Variants in JADE3 observed in about 807,000 individuals in gnomAD.
The protein encoded by JADE3 is jade family PHD finger 3.
In JADE3, 2 loss-of-function variants were observed where a neutral mutation model predicts 50.1. The observed-to-expected ratio is 0.04, with a 90% CI of 0.02 to 0.13. The LOEUF (loss-of-function observed/expected upper bound fraction) is 0.13. Ranked by LOEUF, JADE3 falls within the 10% of genes least tolerant of loss-of-function variation. JADE3 has a pLI of 1.00. For missense variants in JADE3, 475 were observed against 634.4 expected (o/e 0.75, Z 2.70); for synonymous variants, 218 against 232.9 (o/e 0.94, Z 0.58).
At chrX:47,023,384 C>A (rs1004487645) in intron 4 of JADE3, among the ~76,000 whole-genome samples, 4 of 111,136 alleles carry the variant, frequency 3.6e-5, no homozygotes, top group Non-Finnish European at 7.5e-5. Context: ...TCTGTTCCTG[C>A]GTTAGTTTGC....
At chrX:46,935,848 T>TG (rs1926606669) in intron 1 of JADE3, among the ~76,000 whole-genome samples, 1 of 101,244 alleles carries the variant, frequency 9.9e-6, no homozygotes, top group Non-Finnish European at 2.0e-5. Flanking sequence ...TTTTTTTTTT[T>TG]GAGGCAAGGT....
intron 3 of JADE3, 80 bp from the exon 4 acceptor site, chrX:46,998,040 G>A: frequency 1.2e-6 from 1 of 806,585 alleles, no homozygotes; most frequent in Non-Finnish European, 1.8e-6. Flanking sequence ...GGATGGGGAT[G>A]GTCTTTTTAA....
intron 1 of JADE3, among the ~76,000 whole-genome samples, chrX:46,963,216 T>C (rs782196466): frequency 5.4e-5 from 6 of 111,964 alleles, no homozygotes; most frequent in Non-Finnish European, 9.4e-5. Flanking sequence ...TATGGCTGCC[T>C]TGGCATCAGA....
intron 8 of JADE3, 88 bp downstream of exon 8, chrX:47,039,153 G>A: frequency 2.1e-6 from 1 of 485,314 alleles, no homozygotes; most frequent in East Asian, 3.6e-5. Flanking sequence ...CGACTGAAAG[G>A]TCACTCAGGA....
intron 1 of JADE3, among the ~76,000 whole-genome samples, chrX:46,981,348 T>C (rs1927749908): frequency 8.9e-6 from 1 of 112,416 alleles, no homozygotes; most frequent in South Asian, 3.7e-4. Context: ...CCCCATGATA[T>C]CAGATAAATG....
At chrX:47,024,660 C>A in intron 4 of JADE3, 64 bp from the exon 5 acceptor site, 1 of 676,414 alleles carries the variant, frequency 1.5e-6, no homozygotes, top group Non-Finnish European at 2.3e-6. Flanking sequence ...ATTTAGCCAT[C>A]CATTCAGTGC....
Position 46,943,964 on chromosome X carries a change from G to A in JADE3, c.-12+31245G>A, listed in dbSNP as rs782702192. Among the ~76,000 whole-genome samples the A allele has an allele frequency of 3.6e-5, 4 of 111,144 alleles. No homozygotes were observed. In the South Asian group the frequency reaches 1.1e-3, roughly 31 times the overall value. On this transcript the variant is annotated intron_variant, in intron 1 of 10. Coordinates refer to ENST00000614628, the MANE Select transcript of JADE3 (RefSeq NM_014735.5). Reference sequence around the variant, plus strand: ...GTTGTATTTTTCCAGGAATTCATCCGTTTCCTCTAGATTTTTTAGTTTGTG... The same window carrying A: ...GTTGTATTTTTCCAGGAATTCATCCATTTCCTCTAGATTTTTTAGTTTGTG...
At position 47,060,643 on chromosome X, in the gene JADE3, C is replaced by CT. The variant is rs781972475; in HGVS notation, c.*1570dup. Reference sequence around the variant, plus strand: ...TTTTGGCTACATCTTCAAAATATTTCTTTTGTGCCTATGTACATGTGTAAA... The same window carrying CT: ...TTTTGGCTACATCTTCAAAATATTTCTTTTTGTGCCTATGTACATGTGTAAA... On this transcript the variant is annotated 3_prime_UTR_variant, in exon 11 of 11. Coordinates refer to ENST00000614628, the MANE Select transcript of JADE3 (RefSeq NM_014735.5). 1 of 112,041 alleles carries CT rather than the reference C, an allele frequency of 8.9e-6. No homozygotes were observed. The highest frequency in any genetic ancestry group is 1.9e-5 in the Non-Finnish European group (1 of 53,241). The allele number at this position is 112,041 out of a possible 1,213,427, so 9.2% of individuals were successfully genotyped here. A position where few individuals can be genotyped will look rare whatever the true frequency, so the allele number is the denominator to read the frequency against.
intron 1 of JADE3, among the ~76,000 whole-genome samples, chrX:46,939,353 A>G (rs1926702875): frequency 9.0e-6 from 1 of 111,115 alleles, no homozygotes; most frequent in African/African-American, 3.3e-5. Context: ...ATAGACTGGA[A>G]TAATATTGAT....
At chrX:46,956,843 T>C (rs1271032576) in intron 1 of JADE3, among the ~76,000 whole-genome samples, 1 of 97,307 alleles carries the variant, frequency 1.0e-5, no homozygotes, top group Non-Finnish European at 2.1e-5. Context: ...TTTTCTTTTC[T>C]TTCTCAGGGT....
intron 4 of JADE3, among the ~76,000 whole-genome samples, chrX:47,015,091 A>C (rs1257788350): frequency 8.9e-6 from 1 of 112,529 alleles, no homozygotes; most frequent in African/African-American, 3.2e-5. Flanking sequence ...GTTTTTAATA[A>C]AGAATGTTAT....
At chrX:47,025,119 C>T (rs970850106) in intron 5 of JADE3, among the ~76,000 whole-genome samples, 3 of 111,385 alleles carry the variant, frequency 2.7e-5, no homozygotes, top group African/African-American at 9.8e-5. Context: ...TAAATATGAC[C>T]TTTTCTTTCC....
At chrX:47,035,206 G>A (rs1488185416) in intron 7 of JADE3, among the ~76,000 whole-genome samples, 5 of 111,016 alleles carry the variant, frequency 4.5e-5, no homozygotes, top group Non-Finnish European at 7.5e-5. Context: ...TGACAAGAGA[G>A]ACTGCAGAAT....
chrX:47,028,305 G>A (rs782173452), intron 6 of JADE3, among the ~76,000 whole-genome samples: 6 of 109,997 alleles, frequency 5.5e-5, no homozygotes, highest in Admixed American at 9.7e-5. Flanking sequence ...TACCCCATGG[G>A]GCTAAACCCA....
intron 1 of JADE3, among the ~76,000 whole-genome samples, chrX:46,984,587 G>T (rs1602395782): frequency 9.0e-6 from 1 of 111,624 alleles, no homozygotes; most frequent in East Asian, 2.8e-4. Flanking sequence ...TTGTTTTGGT[G>T]GACAGTGGCC....
chrX:46,957,162 T>G (rs969226419), intron 1 of JADE3, among the ~76,000 whole-genome samples: 2 of 110,846 alleles, frequency 1.8e-5, no homozygotes, highest in Non-Finnish European at 3.8e-5. Flanking sequence ...TTATTTCTCC[T>G]TTGGTCACCT....
chrX:46,998,296 C>G lies in JADE3; in HGVS notation c.284+19C>G, dbSNP rs1462460101. 5 of 1,188,824 alleles carry G rather than the reference C, an allele frequency of 4.2e-6. No homozygotes were observed. In the East Asian group the frequency reaches 1.2e-4, roughly 28 times the overall value. ...CTCTCAGGTATTTGCATGCTTGCAC[C>G]TTTGACTTAGGGAATGAATGCTCTC... On this transcript the variant is annotated intron_variant, in intron 4 of 10. Coordinates refer to ENST00000614628, the MANE Select transcript of JADE3 (RefSeq NM_014735.5).
intron 6 of JADE3, among the ~76,000 whole-genome samples, chrX:47,029,257 C>T (rs782186422): frequency 8.9e-6 from 1 of 112,025 alleles, no homozygotes; most frequent in Admixed American, 9.5e-5. Context: ...GAGGTAGCAC[C>T]CAAGCTAAAT....
intron 4 of JADE3, among the ~76,000 whole-genome samples, chrX:46,999,394 G>T (rs1399466974): frequency 1.6e-5 from 1 of 62,732 alleles, no homozygotes; most frequent in Non-Finnish European, 2.7e-5. Context: ...CCTGTGGGAA[G>T]TTTTATATAT....
Sources: allele counts gnomAD v4.1 joint callset (sites outside exome capture counted in the v4.1 genomes callset), GRCh38; gene constraint gnomAD v4.1.1; transcripts MANE v1.5; gene names NCBI Gene and HGNC (gene_info 2026-07-23, HGNC 2026-07-21).